Variants in CES1 observed in about 807,000 individuals in gnomAD.
CES1 encodes liver carboxylesterase 1.
A neutral mutation model predicts 53.0 loss-of-function variants in CES1; 50 were observed. That is an observed-to-expected ratio of 0.94 (90% CI 0.75 to 1.19). The LOEUF (loss-of-function observed/expected upper bound fraction) is 1.19, where lower values mean the gene tolerates loss of function less well. CES1 is among the 50% of genes most tolerant of loss of function. CES1 has a pLI of 0.00. For missense variants in CES1, 534 were observed against 538.0 expected, an observed-to-expected ratio of 0.99 and a Z score of 0.07; for synonymous variants, 202 against 210.1, an observed-to-expected ratio of 0.96 and a Z score of 0.33.
At chr16:55,832,741 G>C (rs1361092786) in intron 1 of CES1, among the ~76,000 whole-genome samples, 1 of 152,254 alleles carries the variant, frequency 6.6e-6, no homozygotes, top group African/African-American at 2.4e-5. Context: ...TTTCTCGTGT[G>C]TGCGGCCTGA....
chr16:55,812,819 C>T (rs535237096), intron 9 of CES1, 84 bp downstream of exon 9: 38 of 1,581,836 alleles, frequency 2.4e-5, no homozygotes, highest in Admixed American at 1.2e-4. Context: ...GAGTGCAGCT[C>T]GGAGAGGGAA....
chr16:55,812,809 G>C, intron 9 of CES1, 94 bp downstream of exon 9: 2 of 1,543,174 alleles, frequency 1.3e-6, no homozygotes, highest in Admixed American at 1.7e-5. Flanking sequence ...CCAGGACTCA[G>C]AGTGCAGCTC....
Position 55,833,045 on chromosome 16 carries a change from C to A in CES1, c.11G>T (p.Arg4Leu), listed in dbSNP as rs111604615. The A allele has an allele frequency of 6.6e-7, 1 of 1,522,396 alleles. No homozygotes were observed. Among genetic ancestry groups the A allele is most frequent in the African/African-American group, 1.5e-5 (1 of 64,786 alleles). 94.3% of individuals were successfully genotyped at this position (1,522,396 alleles called of 1,614,324 possible). A position where few individuals can be genotyped will look rare whatever the true frequency, so the allele number is the denominator to read the frequency against. Reference sequence around the variant, plus strand: ...AGAGAGAGTGGCCAGGATAAAGGCACGGAGCCACATCGTGGAAGGGCGACA... The same window carrying A: ...AGAGAGAGTGGCCAGGATAAAGGCAAGGAGCCACATCGTGGAAGGGCGACA... MWL[R>L]AFILATLSAS... The change falls in exon 1 of 14, where the codon CGT becomes CTT. Residue 4 changes from arginine to leucine, a missense_variant. Coordinates refer to ENST00000360526, the MANE Select transcript of CES1 (RefSeq NM_001025195.2).
intron 7 of CES1, among the ~76,000 whole-genome samples, 172 bp downstream of exon 7, chr16:55,819,363 T>C (rs545531767): frequency 6.6e-6 from 1 of 152,202 alleles, no homozygotes; most frequent in Non-Finnish European, 1.5e-5. Flanking sequence ...TTGACTTTCT[T>C]TTTTTACATT....
intron 9 of CES1, 38 bp from the exon 10 acceptor site, chr16:55,811,048 G>T (rs1164625014): frequency 6.6e-7 from 1 of 1,507,186 alleles, no homozygotes; most frequent in Non-Finnish European, 9.2e-7. Flanking sequence ...ATGAATCATT[G>T]GGAATTAATG....
chr16:55,828,296 A>T (rs1179368061), intron 2 of CES1: 3 of 304,218 alleles, frequency 9.9e-6, no homozygotes, highest in Non-Finnish European at 1.9e-5. Flanking sequence ...ACACCTCAGT[A>T]CACTTGCCAC....
At chr16:55,828,596 A>C (rs1479906331) in intron 2 of CES1, among the ~76,000 whole-genome samples, 171 bp downstream of exon 2, 1 of 149,422 alleles carries the variant, frequency 6.7e-6, no homozygotes, top group African/African-American at 2.6e-5. Flanking sequence ...CTCAATAAAC[A>C]TGTGTTAAAT....
chr16:55,832,911 T>C, intron 1 of CES1, 93 bp downstream of exon 1: 3 of 1,141,154 alleles, frequency 2.6e-6, no homozygotes, highest in South Asian at 1.2e-5. Flanking sequence ...GCCGGACCTG[T>C]TGTGTCTTTG....
At chr16:55,829,024 C>T in intron 1 of CES1, 50 bp from the exon 2 acceptor site, 1 of 1,556,102 alleles carries the variant, frequency 6.4e-7, no homozygotes, top group Non-Finnish European at 8.7e-7. Context: ...AGGCTGGACC[C>T]AGATTCCAGG....
rs1216955662 is a variant in CES1, at chr16:55,812,788, G to A, written c.1086+115C>T. On this transcript the variant is annotated intron_variant, in intron 9 of 13. Coordinates refer to ENST00000360526, the MANE Select transcript of CES1 (RefSeq NM_001025195.2). ...GTGGAAATGTTAACTCCTGCTGAAG[G>A]GAACAGCTGCCCAGGACTCAGAGTG... 20 of 1,456,618 alleles carry A rather than the reference G, an allele frequency of 1.4e-5. No homozygotes were observed. In the African/African-American group the frequency reaches 1.8e-4, roughly 13 times the overall value. 90.2% of individuals were successfully genotyped at this position (1,456,618 alleles called of 1,614,324 possible).
chr16:55,821,411 G>T lies in CES1; in HGVS notation c.650C>A (p.Thr217Asn). ...TCCTCCCGCTGACTCTCCAAAGATG[G>T]TCACAGAGCCTGGGTTCCCTCCAAA... ...ASFGGNPGSVTIFGESAGGES... is the reference protein window; with the variant it reads ...ASFGGNPGSVNIFGESAGGES... Residue 217 changes from threonine (T) to asparagine (N), a missense_variant, in exon 5 of 14, where the codon ACC (threonine) becomes AAC (asparagine). Thr to Asn is a moderately conservative substitution (Grantham distance 65). Coordinates refer to ENST00000360526, the MANE Select transcript of CES1 (RefSeq NM_001025195.2). 1 of 1,614,186 alleles carries T rather than the reference G, an allele frequency of 6.2e-7. No individual in the cohort carries two copies. The highest frequency in any genetic ancestry group is 8.5e-7 in the Non-Finnish European group (1 of 1,180,038).
At chr16:55,825,351 C>G (rs1471285003) in intron 3 of CES1, among the ~76,000 whole-genome samples, 2 of 152,202 alleles carry the variant, frequency 1.3e-5, no homozygotes, top group Non-Finnish European at 2.9e-5. Flanking sequence ...CACAACACCC[C>G]TTGTTTTTTC....
intron 2 of CES1, 135 bp from the exon 3 acceptor site, chr16:55,826,430 G>T (rs1351626256): frequency 1.5e-5 from 17 of 1,152,740 alleles, no homozygotes; most frequent in Non-Finnish European, 2.0e-5. Flanking sequence ...ATTGTAGTGG[G>T]TAGGAGGCTA....
chr16:55,810,994 G>T lies in CES1; in HGVS notation c.1103C>A (p.Pro368Gln). 1 of 1,606,896 alleles carries T rather than the reference G, an allele frequency of 6.2e-7. No homozygotes were observed. Among genetic ancestry groups the T allele is most frequent in the Non-Finnish European group, 8.5e-7 (1 of 1,177,780 alleles). ...CTGGTCCAGTTGCCCTTCGGAGAGT[G>T]GATAGCTCATCAACTGCTAAAAAAA... ...WLIPMQLMSY[P>Q]LSEGQLDQKT... The change falls in exon 10 of 14, where the codon CCA becomes CAA. Residue 368 changes from proline (P) to glutamine (Q), a missense_variant. Coordinates refer to ENST00000360526, the MANE Select transcript of CES1 (RefSeq NM_001025195.2).
chr16:55,821,614 C>G (rs1715100226), intron 4 of CES1, 93 bp from the exon 5 acceptor site: 2 of 1,393,918 alleles, frequency 1.4e-6, no homozygotes, highest in African/African-American at 2.9e-5. Context: ...TCAGTGAACC[C>G]TTAAGAATAA....
In CES1 at chr16:55,820,489, G is replaced by C. The variant is rs752308493; in HGVS notation, c.694-10C>G. ...CCAATGGAGACAAAACCTGACAGCA[G>C]AGTGGAGGGGAGGAGAGTTCATGCT... On this transcript the variant is annotated splice_polypyrimidine_tract_variant and intron_variant, in intron 5 of 13. Coordinates refer to ENST00000360526, the MANE Select transcript of CES1 (RefSeq NM_001025195.2). The C allele has an allele frequency of 7.0e-6, 11 of 1,577,680 alleles. No homozygotes were observed. In the South Asian group the frequency reaches 1.2e-4, roughly 18 times the overall value.
chr16:55,823,327 G>T (rs1313453151), intron 4 of CES1, among the ~76,000 whole-genome samples: 1 of 152,236 alleles, frequency 6.6e-6, no homozygotes, highest in East Asian at 1.9e-4. Flanking sequence ...TCTTCGGATA[G>T]AATAAGCATT....
chr16:55,824,001 G>C (rs2894952), intron 3 of CES1, among the ~76,000 whole-genome samples: 1 of 151,998 alleles, frequency 6.6e-6, no homozygotes, highest in Non-Finnish European at 1.5e-5. Flanking sequence ...GTCCTCTTCG[G>C]GAGGACACTC....
chr16:55,831,577 C>CA (rs1356174422), intron 1 of CES1, among the ~76,000 whole-genome samples: 1 of 150,372 alleles, frequency 6.7e-6, no homozygotes, highest in Non-Finnish European at 1.5e-5. Context: ...TCAACATGCC[C>CA]ATTTTACAGA....
Sources: gnomAD v4.1 joint callset for allele counts (sites outside exome capture counted in the v4.1 genomes callset) on GRCh38, gnomAD v4.1.1 for gene constraint, MANE v1.5 for transcripts, NCBI Gene and HGNC (gene_info 2026-07-23, HGNC 2026-07-21) for gene names.